UCHL3: variants seen among roughly 807,000 people sequenced by gnomAD.
UCHL3 encodes ubiquitin carboxyl-terminal hydrolase isozyme L3.
A neutral mutation model predicts 35.8 loss-of-function variants in UCHL3; 22 were observed. That is an observed-to-expected ratio of 0.61 (90% confidence interval 0.44 to 0.88). The LOEUF is 0.88. UCHL3 is among the 40% of genes least tolerant of loss of function. The pLI is 0.00. For missense variants in UCHL3, 229 were observed against 276.9 expected, an observed-to-expected ratio of 0.83 and a Z score of 1.23; for synonymous variants, 90 against 92.8, an observed-to-expected ratio of 0.97 and a Z score of 0.17.
chr13:75,572,648 TG>T (rs1455065406), intron 6 of UCHL3, among the ~76,000 whole-genome samples: 1 of 152,192 alleles, frequency 6.6e-6, no homozygotes, highest in African/African-American at 2.4e-5. Flanking sequence ...GAACTGTCCT[TG>T]GTAGTGTAAG....
intron 8 of UCHL3, 79 bp downstream of exon 8, chr13:75,604,906 A>C: frequency 8.0e-7 from 1 of 1,245,214 alleles, no homozygotes; most frequent in Non-Finnish European, 1.1e-6. Flanking sequence ...CTTGCATAAC[A>C]TTTTCTTTGT....
rs1352196385 is a variant in UCHL3, at chr13:75,566,770, A to G, written c.259A>G (p.Met87Val). 6.2e-7 allele frequency: 1 copy of G among 1,612,340 alleles called. No individual in the cohort carries two copies. Among genetic ancestry groups the G allele is most frequent in the Non-Finnish European group, 8.5e-7 (1 of 1,179,366 alleles). The change falls in exon 4 of 9, where the codon ATG becomes GTG. Residue 87 changes from methionine to valine, a missense_variant. By Grantham distance (21) the Met-to-Val change is conservative. Transcript: ENST00000377595. ...GQDVTSSVYFMKQTISNACGT... is the reference protein window; with the variant it reads ...GQDVTSSVYFVKQTISNACGT... ...AGATGTTACATCATCAGTATATTTC[A>G]TGAAGCAAACAATCAGCAATGCCTG...
At chr13:75,587,957 CTG>C (rs1247279846) in intron 6 of UCHL3, among the ~76,000 whole-genome samples, 1 of 152,124 alleles carries the variant, frequency 6.6e-6, no homozygotes, top group Non-Finnish European at 1.5e-5. Flanking sequence ...CTAGCTCTGT[CTG>C]TTGCTCTCAT....
intron 2 of UCHL3, among the ~76,000 whole-genome samples, chr13:75,555,712 A>C (rs1408393020): frequency 1.3e-5 from 2 of 152,102 alleles, no homozygotes; most frequent in African/African-American, 4.8e-5. Context: ...TCTCATTGAA[A>C]CCATAGAGTA....
chr13:75,561,183 T>C (rs927120728), intron 3 of UCHL3, among the ~76,000 whole-genome samples: 2 of 152,214 alleles, frequency 1.3e-5, no homozygotes, highest in African/African-American at 4.8e-5. Flanking sequence ...TCCTCCCGCA[T>C]CGGTCTCCCA....
chr13:75,590,485 A>G (rs1427044015), intron 6 of UCHL3, among the ~76,000 whole-genome samples: 2 of 152,000 alleles, frequency 1.3e-5, no homozygotes, highest in Non-Finnish European at 1.5e-5. Context: ...CAGGTCAACA[A>G]ATGCTGTGTA....
chr13:75,563,289 C>T (rs1206482006), intron 3 of UCHL3, among the ~76,000 whole-genome samples: 1 of 152,120 alleles, frequency 6.6e-6, no homozygotes, highest in Non-Finnish European at 1.5e-5. Flanking sequence ...GATTCTTCTG[C>T]CTCAGTCTCT....
rs377433323 is a variant in UCHL3, at chr13:75,595,842, A to G, written c.550+852A>G. On this transcript the variant is annotated intron_variant, in intron 7 of 8. Transcript: ENST00000377595. ...GGACTATTTCATGGCATGTTGGAGG[A>G]GATCACATAATTTACTCAGACAGAA... Among the ~76,000 whole-genome samples, 30 of 151,166 alleles carry G rather than the reference A, an allele frequency of 2.0e-4. No homozygotes were observed. In the East Asian group the frequency reaches 3.7e-3, roughly 19 times the overall value.
At chr13:75,602,003 G>A (rs1295159285) in intron 7 of UCHL3, among the ~76,000 whole-genome samples, 1 of 152,004 alleles carries the variant, frequency 6.6e-6, no homozygotes, top group Admixed American at 6.6e-5. Context: ...CAGCTGCTCG[G>A]GAGGCTGAGG....
intron 7 of UCHL3, among the ~76,000 whole-genome samples, chr13:75,596,746 TAGAG>T (rs1180491141): frequency 1.6e-4 from 25 of 152,142 alleles, no homozygotes; most frequent in Non-Finnish European, 4.4e-5. Context: ...TTTTACTAGT[TAGAG>T]AGCTGTCTTG....
chr13:75,592,238 A>G (rs1445109386), intron 6 of UCHL3, among the ~76,000 whole-genome samples: 3 of 150,722 alleles, frequency 2.0e-5, no homozygotes, highest in African/African-American at 7.3e-5. Flanking sequence ...GGATATATAT[A>G]TCAAAACTAA....
intron 6 of UCHL3, among the ~76,000 whole-genome samples, chr13:75,583,858 A>C (rs981195222): frequency 6.6e-6 from 1 of 152,240 alleles, no homozygotes; most frequent in Middle Eastern, 3.2e-3. Flanking sequence ...TAAGGTCAAA[A>C]GTAGGCTACC....
chr13:75,554,859 C>T (rs749696191), intron 2 of UCHL3, among the ~76,000 whole-genome samples: 3 of 152,166 alleles, frequency 2.0e-5, no homozygotes, highest in Non-Finnish European at 2.9e-5. Context: ...CACCCAGGTA[C>T]TAAACCTAGT....
intron 7 of UCHL3, among the ~76,000 whole-genome samples, chr13:75,597,540 TAAC>T (rs748813884): frequency 4.6e-5 from 7 of 152,136 alleles, no homozygotes; most frequent in East Asian, 1.9e-4. Flanking sequence ...GAAAACAACA[TAAC>T]AACTATTTAC....
intron 2 of UCHL3, among the ~76,000 whole-genome samples, chr13:75,550,295 C>T (rs1053687796): frequency 6.6e-6 from 1 of 152,152 alleles, no homozygotes; most frequent in African/African-American, 2.4e-5. Flanking sequence ...CTTCGTTTTG[C>T]CTCCTGTTAG....
chr13:75,549,565 T>C (rs1413460123), upstream of UCHL3: 5 of 457,392 alleles, frequency 1.1e-5, no homozygotes, highest in Non-Finnish European at 1.9e-5. Context: ...ATTCAGATAC[T>C]GTTTTTCTCC....
chr13:75,592,622 C>T (rs1308267766), intron 6 of UCHL3, among the ~76,000 whole-genome samples: 1 of 148,736 alleles, frequency 6.7e-6, no homozygotes, highest in African/African-American at 2.5e-5. Flanking sequence ...TAAATAATTA[C>T]AGATTTTTAG....
chr13:75,605,306 G>C (rs1413003712), intron 8 of UCHL3, among the ~76,000 whole-genome samples: 3 of 152,116 alleles, frequency 2.0e-5, no homozygotes, highest in Non-Finnish European at 2.9e-5. Flanking sequence ...TCAGGAGTTC[G>C]AGACCAGCCT....
chr13:75,580,712 G>C (rs542263251), intron 6 of UCHL3, among the ~76,000 whole-genome samples: 41 of 152,244 alleles, frequency 2.7e-4, no homozygotes, highest in African/African-American at 9.4e-4. Flanking sequence ...ACTAAGTGCT[G>C]TATCTACCCT....
Sources: allele counts gnomAD v4.1 joint callset (sites outside exome capture counted in the v4.1 genomes callset), GRCh38; gene constraint gnomAD v4.1.1; transcripts MANE v1.5; gene names NCBI Gene and HGNC (gene_info 2026-07-23, HGNC 2026-07-21).